FSTL4: variants seen among roughly 807,000 people sequenced by gnomAD.
The protein encoded by FSTL4 is follistatin like 4, also known as follistatin-related protein 4.
A neutral mutation model predicts 78.2 loss-of-function variants in FSTL4; 28 were observed. That is an observed-to-expected ratio of 0.36 (90% confidence interval 0.27 to 0.49). The LOEUF (loss-of-function observed/expected upper bound fraction) is 0.49, where lower values mean the gene tolerates loss of function less well. Ranked by LOEUF, FSTL4 falls within the 20% of genes least tolerant of loss-of-function variation. The pLI, the probability that FSTL4 is intolerant of heterozygous loss-of-function variation, is 0.98. For missense variants in FSTL4, 922 were observed against 1,084.9 expected, an observed-to-expected ratio of 0.85 and a Z score of 2.11; for synonymous variants, 422 against 440.5, an observed-to-expected ratio of 0.96 and a Z score of 0.53.
intron 3 of FSTL4, among the ~76,000 whole-genome samples, chr5:133,461,652 A>C (rs1022898054): frequency 6.6e-6 from 1 of 152,210 alleles, no homozygotes; most frequent in African/African-American, 2.4e-5. Context: ...GGGGCGCCCA[A>C]TAAGATATTT....
chr5:133,735,306 T>C, the FSTL4 span, among the ~76,000 whole-genome samples: 1 of 152,034 alleles, frequency 6.6e-6, no homozygotes, highest in Non-Finnish European at 1.5e-5. Flanking sequence ...CTAGTAAAAA[T>C]ACAAAAATTA....
chr5:133,774,432 G>A, the FSTL4 span, among the ~76,000 whole-genome samples: 66 of 152,200 alleles, frequency 4.3e-4, no homozygotes, highest in East Asian at 2.9e-3. Flanking sequence ...TGCTGTAAAC[G>A]TCCTAGAATA....
chr5:133,668,837 A>T, the FSTL4 span, among the ~76,000 whole-genome samples: 5 of 152,344 alleles, frequency 3.3e-5, no homozygotes, highest in South Asian at 1.0e-3. Flanking sequence ...GGCATAGTGC[A>T]TTAGATGAAT....
At chr5:133,398,916 G>A (rs1756142467) in intron 4 of FSTL4, among the ~76,000 whole-genome samples, 1 of 152,206 alleles carries the variant, frequency 6.6e-6, no homozygotes, top group African/African-American at 2.4e-5. Flanking sequence ...ACCTCAATGA[G>A]TCAGAAGGAT....
Position 133,493,525 on chromosome 5 carries a change from G to C in FSTL4, c.160+73661C>G, listed in dbSNP as rs568050887. ...TTTTCTTAGTCCCCATTTTCACAGA[G>C]AGGGCAGTCCTCCCAGGTCTCAGCC... On this transcript the variant is annotated intron_variant, in intron 3 of 15. Transcript: ENST00000265342. Among the ~76,000 whole-genome samples the C allele has an allele frequency of 2.6e-5, 4 of 152,318 alleles. No individual in the cohort carries two copies. In the South Asian group the frequency reaches 8.3e-4, roughly 32 times the overall value.
At chr5:133,276,823 A>C (rs972853282) in intron 6 of FSTL4, among the ~76,000 whole-genome samples, 8 of 152,186 alleles carry the variant, frequency 5.3e-5, no homozygotes, top group Non-Finnish European at 1.0e-4. Context: ...TGGTACATCA[A>C]CCCAGGTGGC....
rs139876847 is a variant in FSTL4 at position 133,339,531 on chromosome 5, A to G, written c.410-22879T>C. 7.3e-3 allele frequency among the ~76,000 whole-genome samples: 1,114 copies of G among 152,050 alleles called. 3 individuals carry two copies. Among genetic ancestry groups the G allele is most frequent in the Non-Finnish European group, 0.01 (682 of 67,980 alleles). On this transcript the variant is annotated intron_variant, in intron 4 of 15. Transcript: ENST00000265342. ...CTCTACTTGTCCACATGTCCCTCCC[A>G]CCATCGACATGAGCCAATGGGGGTC...
chr5:133,537,829 C>T (rs1057515415), intron 3 of FSTL4, among the ~76,000 whole-genome samples: 3 of 151,630 alleles, frequency 2.0e-5, no homozygotes, highest in African/African-American at 7.3e-5. Context: ...GAGACACACA[C>T]ATATATAGTG....
At chr5:133,557,117 G>A (rs935162949) in intron 3 of FSTL4, among the ~76,000 whole-genome samples, 1 of 152,198 alleles carries the variant, frequency 6.6e-6, no homozygotes, top group African/African-American at 2.4e-5. Context: ...CCCAATCGCT[G>A]GAGGCAGCTG....
chr5:133,819,668 C>T, the FSTL4 span, among the ~76,000 whole-genome samples: 1 of 152,240 alleles, frequency 6.6e-6, no homozygotes, highest in South Asian at 2.1e-4. Flanking sequence ...GCTGCCCACG[C>T]ATTGTTCCAG....
At chr5:133,689,367 T>C in the FSTL4 span, among the ~76,000 whole-genome samples, 2 of 152,206 alleles carry the variant, frequency 1.3e-5, no homozygotes, top group African/African-American at 2.4e-5. Flanking sequence ...AGAGCAATTA[T>C]ATAAGTTTAG....
intron 12 of FSTL4, 38 bp downstream of exon 12, chr5:133,220,710 T>C (rs1325992573): frequency 2.0e-6 from 2 of 994,496 alleles, no homozygotes. Flanking sequence ...ATTTTGCCTG[T>C]GTATGATGTA....
chr5:133,567,782 C>T lies in FSTL4; in HGVS notation c.127-563G>A, dbSNP rs1580794334. Among the ~76,000 whole-genome samples, 3 of 152,174 alleles carry T rather than the reference C, an allele frequency of 2.0e-5. No homozygotes were observed. In the South Asian group the frequency reaches 6.2e-4, roughly 32 times the overall value. ...TCATGCCACTGGACTAAATTAAGCC[C>T]TTGGGTTTTCTTAATTCAATCCTAT... On this transcript the variant is annotated intron_variant, in intron 2 of 15. Transcript: ENST00000265342.
chr5:133,678,285 A>G, the FSTL4 span, among the ~76,000 whole-genome samples: 1 of 152,188 alleles, frequency 6.6e-6, no homozygotes. Context: ...ACAGAAAGAG[A>G]GACCAGTTAG....
chr5:133,785,712 G>A, the FSTL4 span, among the ~76,000 whole-genome samples: 2 of 152,190 alleles, frequency 1.3e-5, no homozygotes, highest in Non-Finnish European at 2.9e-5. Flanking sequence ...AGAATCGAGG[G>A]CCAAGTGGTG....
At chr5:133,644,730 C>T in the FSTL4 span, among the ~76,000 whole-genome samples, 1 of 152,088 alleles carries the variant, frequency 6.6e-6, no homozygotes, top group South Asian at 2.1e-4. Context: ...TTCACCTCTC[C>T]CCCAGACCCA....
intron 3 of FSTL4, among the ~76,000 whole-genome samples, chr5:133,533,660 G>A (rs1394026185): frequency 6.6e-6 from 1 of 152,212 alleles, no homozygotes; most frequent in African/African-American, 2.4e-5. Context: ...GGGCAGGACA[G>A]ACCTTCAGCA....
chr5:133,790,350 G>A, the FSTL4 span, among the ~76,000 whole-genome samples: 3 of 152,082 alleles, frequency 2.0e-5, no homozygotes, highest in Non-Finnish European at 4.4e-5. Flanking sequence ...TACAACATGG[G>A]GAAAATAACA....
Position 133,200,825 on chromosome 5 carries a change from A to G in FSTL4, c.1827-1028T>C, listed in dbSNP as rs564547057. ...CAGAGTAGAGGAAAATACTCCCTCC[A>G]AGGCACATCTTTAAAGCATCCTTAA... is the stretch of plus-strand genomic sequence containing the variant. On this transcript the variant is annotated intron_variant, in intron 15 of 15. Coordinates refer to ENST00000265342, the MANE Select transcript of FSTL4 (RefSeq NM_015082.2). Among the ~76,000 whole-genome samples, 37 of 152,310 alleles carry G rather than the reference A, an allele frequency of 2.4e-4. 1 individual carries two copies. The South Asian group carries it at 7.5e-3, about 31-fold the overall frequency.
Sources: allele counts gnomAD v4.1 joint callset (sites outside exome capture counted in the v4.1 genomes callset), GRCh38; gene constraint gnomAD v4.1.1; transcripts MANE v1.5; gene names NCBI Gene and HGNC (gene_info 2026-07-23, HGNC 2026-07-21).